NUP88: variants seen among roughly 807,000 people sequenced by gnomAD.
The protein encoded by NUP88 is nucleoporin 88.
A neutral mutation model predicts 93.9 loss-of-function variants in NUP88; 57 were observed. The observed-to-expected ratio is 0.61, with a 90% CI of 0.49 to 0.76. The LOEUF (loss-of-function observed/expected upper bound fraction) is 0.76. NUP88 is among the 30% of genes least tolerant of loss of function. The pLI, the probability that NUP88 is intolerant of heterozygous loss-of-function variation, is 0.00. For synonymous variants in NUP88, 346 were observed against 336.8 expected (o/e 1.03, Z -0.30); for missense variants, 911 against 901.0 (o/e 1.01, Z -0.14).
chr17:5,392,171 T>G (rs1463114205), intron 9 of NUP88, among the ~76,000 whole-genome samples: 1 of 152,222 alleles, frequency 6.6e-6, no homozygotes, highest in East Asian at 1.9e-4. Context: ...TCTGCCAACA[T>G]GCTCTCCTAG....
At position 5,385,891 on chromosome 17, in the gene NUP88, C is replaced by T. The variant is rs1446764285; in HGVS notation, c.*315G>A. ...TTTCTGGTGCTGCTACTTTAAAACA[C>T]AGCTCACAAGAATAACTAACTTGCT... On this transcript the variant is annotated 3_prime_UTR_variant, in exon 17 of 17. Transcript: ENST00000573584. 2 of 289,944 alleles carry T rather than the reference C, an allele frequency of 6.9e-6. No homozygotes were observed. The highest frequency in any genetic ancestry group is 1.2e-5 in the Non-Finnish European group (2 of 164,688). 18.0% of individuals were successfully genotyped at this position (289,944 alleles called of 1,614,324 possible).
chr17:5,415,633 T>C (rs539651144), intron 2 of NUP88, among the ~76,000 whole-genome samples: 1 of 152,238 alleles, frequency 6.6e-6, no homozygotes, highest in South Asian at 2.1e-4. Context: ...ACTGAGGAGC[T>C]CCTTACGACT....
intron 7 of NUP88, among the ~76,000 whole-genome samples, chr17:5,403,618 C>T (rs1166730927): frequency 1.3e-5 from 2 of 151,946 alleles, no homozygotes; most frequent in African/African-American, 4.8e-5. Flanking sequence ...CGAGATTGCG[C>T]CATTAGACTC....
chr17:5,408,441 T>A (rs1428469630), intron 5 of NUP88, among the ~76,000 whole-genome samples: 1 of 152,228 alleles, frequency 6.6e-6, no homozygotes, highest in Non-Finnish European at 1.5e-5. Context: ...GGTGTCTTGT[T>A]CATATAAGAT....
At position 5,386,070 on chromosome 17, in the gene NUP88, A is replaced by T; in HGVS notation, c.*136T>A. The T allele has an allele frequency of 1.6e-6, 1 of 632,214 alleles. No individual in the cohort carries two copies. 39.2% of individuals were successfully genotyped at this position (632,214 alleles called of 1,614,324 possible). A position where few individuals can be genotyped will look rare whatever the true frequency, so the allele number is the denominator to read the frequency against. On this transcript the variant is annotated 3_prime_UTR_variant, in exon 17 of 17. Coordinates refer to ENST00000573584, the MANE Select transcript of NUP88 (RefSeq NM_002532.6). ...GCATTTACTCAATTATTATAAAACA[A>T]CATATTTAAAAAGATGAACCACACC...
At position 5,390,498 on chromosome 17, in the gene NUP88, G is replaced by A. The variant is rs140579591; in HGVS notation, c.1484+1063C>T. Among the ~76,000 whole-genome samples the A allele has an allele frequency of 2.2e-4, 33 of 152,254 alleles. No individual in the cohort carries two copies. In the East Asian group the frequency reaches 6.0e-3, roughly 28 times the overall value. On this transcript the variant is annotated intron_variant, in intron 10 of 16. Transcript: ENST00000573584. ...CTGCCAGTATTAGGAATTTATGTCA[G>A]CATCCAGAGGTGCAAGCTTTGAACG...
At chr17:5,394,685 C>T (rs1912657889) in intron 9 of NUP88, among the ~76,000 whole-genome samples, 1 of 152,032 alleles carries the variant, frequency 6.6e-6, no homozygotes, top group South Asian at 2.1e-4. Context: ...GAAGGACCTT[C>T]CAGTCAGGAA....
rs755596505 is a variant in NUP88 at position 5,388,829 on chromosome 17, C to T, written c.1616G>A (p.Arg539His). 17 of 1,613,886 alleles carry T rather than the reference C, an allele frequency of 1.1e-5. No individual in the cohort carries two copies. Among genetic ancestry groups the T allele is most frequent in the Middle Eastern group, 1.6e-4 (1 of 6,062 alleles). Reference protein sequence around the residue: ...FEKHIRSILQRSVANPAFLKA... With the variant: ...FEKHIRSILQHSVANPAFLKA... ...CAAAAATGCTGGATTGGCAACACTA[C>T]GTTGCAAAATGCTTCTAATATGCTT... The change falls in exon 11 of 17, where the codon CGT (arginine) becomes CAT (histidine). Residue 539 changes from arginine to histidine, a missense_variant. By Grantham distance (29) the Arg-to-His change is conservative (BLOSUM62 0). Transcript: ENST00000573584.
intron 15 of NUP88, 65 bp downstream of exon 15, chr17:5,386,919 A>G: frequency 6.3e-7 from 1 of 1,599,356 alleles, no homozygotes; most frequent in Non-Finnish European, 8.5e-7. Context: ...TTTTTGTAAA[A>G]TTTTCTGTAG....
rs536239982 is a variant in NUP88, at chr17:5,419,267, G to A, written c.297+87C>T. ...CAATCCGCTGGAACGCCTGCCACAA[G>A]ATGAAAAACAGCCAAGAGGAGCAAG... On this transcript the variant is annotated intron_variant, in intron 1 of 16. Coordinates refer to ENST00000573584, the MANE Select transcript of NUP88 (RefSeq NM_002532.6). 4 of 1,403,046 alleles carry A rather than the reference G, an allele frequency of 2.9e-6. No individual in the cohort carries two copies. In the East Asian group the frequency reaches 7.5e-5, roughly 26 times the overall value. The allele number at this position is 1,403,046 out of a possible 1,614,324, so 86.9% of individuals were successfully genotyped here. A position where few individuals can be genotyped will look rare whatever the true frequency, so the allele number is the denominator to read the frequency against.
rs745729764 is a variant in NUP88 at position 5,385,021 on chromosome 17, G to GCTGAGA, written c.*1179_*1184dup. 1.7e-5 allele frequency: 4 copies of GCTGAGA among 228,690 alleles called. No homozygotes were observed. The highest frequency in any genetic ancestry group is 8.9e-5 in the African/African-American group (4 of 45,094). 14.2% of individuals were successfully genotyped at this position (228,690 alleles called of 1,614,324 possible). A position where few individuals can be genotyped will look rare whatever the true frequency, so the allele number is the denominator to read the frequency against. ...ACTAGAGCTTGCAGTGAAGTGTTCTGCTGAGACTGAGCACCTTACAGATAT... is the reference window on the plus strand; with the variant it reads ...ACTAGAGCTTGCAGTGAAGTGTTCTGCTGAGACTGAGACTGAGCACCTTACAGATAT... On this transcript the variant is annotated 3_prime_UTR_variant, in exon 17 of 17. Transcript: ENST00000573584.
chr17:5,403,417 C>T (rs1913286173), intron 7 of NUP88, among the ~76,000 whole-genome samples: 1 of 152,206 alleles, frequency 6.6e-6, no homozygotes. Flanking sequence ...GCGGAGGTTG[C>T]AGTGAGCTGA....
intron 8 of NUP88, among the ~76,000 whole-genome samples, chr17:5,396,421 A>G (rs1280930045): frequency 6.6e-6 from 1 of 152,226 alleles, no homozygotes; most frequent in Non-Finnish European, 1.5e-5. Context: ...TCTTTCACTT[A>G]GCATCTGTTC....
At chr17:5,394,862 C>G (rs746481575) in intron 9 of NUP88, 29 bp downstream of exon 9, 3 of 1,427,772 alleles carry the variant, frequency 2.1e-6, no homozygotes, top group Non-Finnish European at 3.0e-6. Flanking sequence ...CAATTGTTTT[C>G]TGATATACAA....
In NUP88 at chr17:5,419,634, C is replaced by G. The variant is rs772239332; in HGVS notation, c.17G>C (p.Gly6Ala). The G allele has an allele frequency of 6.3e-7, 1 of 1,590,776 alleles. No homozygotes were observed. The highest frequency in any genetic ancestry group is 8.6e-7 in the Non-Finnish European group (1 of 1,167,968). MAAAE[G>A]PVGDGELWQT... ...CCACAGCTCGCCGTCGCCCACCGGT[C>G]CCTCGGCGGCCGCCATCTTGGCCCA... The change falls in exon 1 of 17, where the codon GGA becomes GCA. Residue 6 changes from glycine (G) to alanine (A), a missense_variant. Physicochemically the swap from Gly to Ala is moderately conservative, Grantham distance 60. Coordinates refer to ENST00000573584, the MANE Select transcript of NUP88 (RefSeq NM_002532.6).
At position 5,387,837 on chromosome 17, in the gene NUP88, C is replaced by G; in HGVS notation, c.1711G>C (p.Val571Leu). Residue 571 changes from valine (V) to leucine (L), a missense_variant, in exon 12 of 17, where the codon GTG (valine) becomes CTG (leucine). By Grantham distance (32) the Val-to-Leu change is conservative. Transcript: ENST00000573584. ...CLQLLSRATQ[V>L]FREQYILKQD... is the part of the protein sequence containing the mutation. ...TTGAGAATGTACTGCTCTCTGAACA[C>G]CTGGGTGGCTCTGCTGAGGAGCTGA... 6.2e-7 allele frequency: 1 copy of G among 1,614,064 alleles called. No homozygotes were observed. The highest frequency in any genetic ancestry group is 8.5e-7 in the Non-Finnish European group (1 of 1,179,998).
At chr17:5,399,764 T>C (rs900173962) in intron 7 of NUP88, 114 bp from the exon 8 acceptor site, 3 of 523,428 alleles carry the variant, frequency 5.7e-6, no homozygotes, top group Non-Finnish European at 1.0e-5. Flanking sequence ...TGATGGAAGG[T>C]TTTATAAAAG....
chr17:5,391,399 A>G (rs1394933832), intron 10 of NUP88, 162 bp downstream of exon 10: 1 of 604,116 alleles, frequency 1.7e-6, no homozygotes, highest in East Asian at 2.8e-5. Flanking sequence ...CCTTATAGAG[A>G]TGATGGCAGG....
intron 9 of NUP88, among the ~76,000 whole-genome samples, chr17:5,394,487 G>C (rs1056292746): frequency 1.3e-5 from 2 of 152,086 alleles, no homozygotes; most frequent in African/African-American, 2.4e-5. Flanking sequence ...CGGTAGTGGC[G>C]ACAGACATTA....
Sources: gnomAD v4.1 joint callset for allele counts (sites outside exome capture counted in the v4.1 genomes callset) on GRCh38, gnomAD v4.1.1 for gene constraint, MANE v1.5 for transcripts, NCBI Gene and HGNC (gene_info 2026-07-23, HGNC 2026-07-21) for gene names.